SMIM35: variants seen among roughly 807,000 people sequenced by gnomAD.
SMIM35 encodes the protein TMPRSS4 antisense RNA 1 (non-protein coding).
At chr11:118,027,329 C>CTT (rs142012643) in intron 1 of SMIM35, among the ~76,000 whole-genome samples, 6 of 148,438 alleles carry the variant, frequency 4.0e-5, no homozygotes, top group East Asian at 2.0e-4. Context: ...GCCCGGCCCA[C>CTT]TTTTTTTTTT....
At chr11:118,079,125 AGCAT>A (rs1944928896) in intron 1 of SMIM35, among the ~76,000 whole-genome samples, 1 of 152,120 alleles carries the variant, frequency 6.6e-6, no homozygotes, top group African/African-American at 2.4e-5. Context: ...GCAAGGCAGC[AGCAT>A]GGCCAATCTC....
chr11:118,014,374 C>A (rs2058166598), intron 3 of SMIM35, among the ~76,000 whole-genome samples: 1 of 149,470 alleles, frequency 6.7e-6, no homozygotes, highest in Admixed American at 6.7e-5. Flanking sequence ...GCTCTGTCTG[C>A]TTGGGGGAGA....
At chr11:118,040,224 A>G (rs554690193) in intron 1 of SMIM35, among the ~76,000 whole-genome samples, 3 of 152,292 alleles carry the variant, frequency 2.0e-5, no homozygotes, top group South Asian at 4.1e-4. Context: ...TTAGAAAAAA[A>G]TAAGTAAATA....
intron 1 of SMIM35, among the ~76,000 whole-genome samples, chr11:118,018,404 C>T (rs187572744): frequency 1.3e-5 from 2 of 152,148 alleles, no homozygotes; most frequent in African/African-American, 4.8e-5. Context: ...CTGCAATATC[C>T]AAGCAAGAGA....
chr11:118,048,625 A>T (rs1042123760), intron 1 of SMIM35, among the ~76,000 whole-genome samples: 5 of 151,210 alleles, frequency 3.3e-5, no homozygotes, highest in Non-Finnish European at 7.4e-5. Context: ...AAGGAAGGAG[A>T]GAGAGAGAGA....
intron 4 of SMIM35, among the ~76,000 whole-genome samples, chr11:118,011,489 C>T (rs567701677): frequency 2.7e-4 from 41 of 152,202 alleles, no homozygotes; most frequent in Non-Finnish European, 4.7e-4. Context: ...GTTAGGAGTT[C>T]GGGACCAGCC....
chr11:118,036,541 G>A (rs1279242087), intron 1 of SMIM35, among the ~76,000 whole-genome samples: 2 of 152,210 alleles, frequency 1.3e-5, no homozygotes, highest in Non-Finnish European at 2.9e-5. Context: ...TTGGTAACGT[G>A]CTGCCAGCAC....
intron 1 of SMIM35, among the ~76,000 whole-genome samples, chr11:118,082,187 G>A (rs868404037): frequency 8.5e-5 from 13 of 152,206 alleles, no homozygotes; most frequent in African/African-American, 3.1e-4. Flanking sequence ...TGTGCTTTGA[G>A]AAGCACTTTC....
rs536130474 is a variant in SMIM35 at position 118,049,678 on chromosome 11, C to A, written c.8-33869G>T. ...CTTAATGCTTTTAATTTAATTTTTG[C>A]GTGTGTGCTTTTTAATGGTCATATA... On this transcript the variant is annotated intron_variant, in intron 1 of 4. Coordinates refer to ENST00000689828, the MANE Select transcript of SMIM35 (RefSeq NM_001394165.1). Among the ~76,000 whole-genome samples the A allele has an allele frequency of 9.9e-5, 15 of 152,020 alleles. No homozygotes were observed. In the South Asian group the frequency reaches 3.1e-3, roughly 32 times the overall value.
At chr11:118,028,799 AAAC>A (rs768456368) in intron 1 of SMIM35, 4 of 453,016 alleles carry the variant, frequency 8.8e-6, no homozygotes, top group African/African-American at 4.0e-5. Context: ...GGAAGAGAAA[AAAC>A]AAGGAGAAAC....
At chr11:118,074,245 C>T (rs980797427) in intron 1 of SMIM35, among the ~76,000 whole-genome samples, 3 of 151,676 alleles carry the variant, frequency 2.0e-5, no homozygotes, top group South Asian at 2.1e-4. Context: ...AACTCTGCCT[C>T]GGATCTTGAC....
At chr11:118,032,937 T>C (rs913412892) in intron 1 of SMIM35, among the ~76,000 whole-genome samples, 5 of 151,814 alleles carry the variant, frequency 3.3e-5, no homozygotes, top group African/African-American at 7.3e-5. Context: ...AAAAAAGGAG[T>C]TTTCTGGAGA....
chr11:118,083,065 C>A (rs150964399), intron 1 of SMIM35, among the ~76,000 whole-genome samples: 1 of 152,172 alleles, frequency 6.6e-6, no homozygotes, highest in East Asian at 1.9e-4. Context: ...TCTGCTGCGC[C>A]GCTGCGGGGC....
chr11:118,015,987 A>G (rs1391189247), intron 1 of SMIM35, among the ~76,000 whole-genome samples, 178 bp from the exon 2 acceptor site: 2 of 152,192 alleles, frequency 1.3e-5, no homozygotes, highest in Admixed American at 1.3e-4. Context: ...TGACACCTGA[A>G]TTTTTAGAGT....
At chr11:118,034,578 G>T (rs1272564503) in intron 1 of SMIM35, among the ~76,000 whole-genome samples, 1 of 152,172 alleles carries the variant, frequency 6.6e-6, no homozygotes, top group Non-Finnish European at 1.5e-5. Context: ...ACAAAAATTA[G>T]CTGGGCGTGG....
intron 1 of SMIM35, among the ~76,000 whole-genome samples, chr11:118,016,232 G>A (rs2058182285): frequency 6.6e-6 from 1 of 152,182 alleles, no homozygotes; most frequent in South Asian, 2.1e-4. Context: ...CAAAGCTCAT[G>A]CACCCAGTGG....
At chr11:118,048,533 AGAAAGAAG>A (rs1260131360) in intron 1 of SMIM35, among the ~76,000 whole-genome samples, 3 of 135,690 alleles carry the variant, frequency 2.2e-5, no homozygotes, top group South Asian at 2.6e-4. Context: ...AAAGGAAGAA[AGAAAGAAG>A]GAAGGAAGGA....
chr11:118,047,799 A>G (rs1944125058), intron 1 of SMIM35, among the ~76,000 whole-genome samples: 2 of 152,176 alleles, frequency 1.3e-5, no homozygotes, highest in African/African-American at 4.8e-5. Context: ...GCCTAAGCAA[A>G]TGCCTTCTGT....
At chr11:118,060,845 T>C (rs1198989203) in intron 1 of SMIM35, among the ~76,000 whole-genome samples, 1 of 152,140 alleles carries the variant, frequency 6.6e-6, no homozygotes, top group East Asian at 1.9e-4. Flanking sequence ...ATGGCTGCCC[T>C]CATCCTTTGG....
Sources: gnomAD v4.1 joint callset for allele counts (sites outside exome capture counted in the v4.1 genomes callset) on GRCh38, gnomAD v4.1.1 for gene constraint, MANE v1.5 for transcripts, NCBI Gene and HGNC (gene_info 2026-07-23, HGNC 2026-07-21) for gene names.